ADAM12: variants seen among roughly 807,000 people sequenced by gnomAD.
ADAM12 encodes the protein disintegrin and metalloproteinase domain-containing protein 12.
Under a neutral mutation model 106.4 loss-of-function variants are expected in ADAM12, and 70 were observed. That is an observed-to-expected ratio of 0.66 (90% CI 0.54 to 0.80). The LOEUF is 0.80. Among genes scored for constraint, ADAM12 ranks in the 30% least tolerant of loss-of-function variants. The pLI is 0.00. For synonymous variants in ADAM12, 420 were observed against 433.5 expected (o/e 0.97, Z 0.39); for missense variants, 1,010 against 1,171.9 (o/e 0.86, Z 2.02).
rs757336646 is a variant in ADAM12, at chr10:126,064,829, T to A, written c.1586A>T (p.Gln529Leu). Residue 529 changes from glutamine (Q) to leucine (L), a missense_variant, in exon 14 of 23, where the codon CAG becomes CTG. By Grantham distance (113) the Gln-to-Leu change is moderately radical (BLOSUM62 -2). Coordinates refer to ENST00000448723, the MANE Select transcript of ADAM12 (RefSeq NM_001288973.2). This position sits in a 1 kb window ranked among gnomAD's most constrained non-coding sequence, Gnocchi z 4.4. ...YNGICQTHEQ[Q>L]CVTLWGPGAK... The stretch of plus-strand genomic sequence containing the variant: ...ACCTGGTCCCCAGAGCGTGACACAC[T>A]GCTGCTCGTGAGTCTGGCAGATGCC... 2.5e-6 allele frequency: 4 copies of A among 1,609,526 alleles called. No homozygotes were observed. Among genetic ancestry groups the A allele is most frequent in the Non-Finnish European group, 3.4e-6 (4 of 1,178,110 alleles).
At chr10:126,310,545 C>T (rs1326068243) in intron 2 of ADAM12, among the ~76,000 whole-genome samples, 1 of 152,136 alleles carries the variant, frequency 6.6e-6, no homozygotes, top group African/African-American at 2.4e-5. Flanking sequence ...CACAGCAAAA[C>T]CCATGGTACA....
intron 3 of ADAM12, among the ~76,000 whole-genome samples, chr10:126,266,264 T>C (rs1423706934): frequency 6.6e-6 from 1 of 151,888 alleles, no homozygotes; most frequent in Non-Finnish European, 1.5e-5. Context: ...CTGGGGAGAA[T>C]GGAAATGGGG....
chr10:126,105,488 C>T (rs987543396), intron 8 of ADAM12, among the ~76,000 whole-genome samples: 1 of 152,184 alleles, frequency 6.6e-6, no homozygotes, highest in Non-Finnish European at 1.5e-5. Context: ...CCTGCGCTCC[C>T]AGCTCAGGCA....
rs1433465339 is a variant in ADAM12 at position 126,139,201 on chromosome 10, C to G, written c.340-3541G>C. ...TTTCATAATAAACCGCTTGCCTATT[C>G]ATGTACATGGCAGGCCTCTTCTTTT... is the stretch of plus-strand genomic sequence containing the variant. On this transcript the variant is annotated intron_variant, in intron 4 of 22. Transcript: ENST00000448723. Among the ~76,000 whole-genome samples the G allele has an allele frequency of 2.0e-5, 3 of 152,148 alleles. No homozygotes were observed. In the East Asian group the frequency reaches 5.8e-4, roughly 29 times the overall value.
intron 5 of ADAM12, among the ~76,000 whole-genome samples, chr10:126,132,536 T>A (rs1278326): frequency 0.47 from 42,552 of 91,086 alleles, 7,423 homozygotes; most frequent in Non-Finnish European, 0.56. Flanking sequence ...CCCCCCCCCC[T>A]CAACTAGTCC....
intron 2 of ADAM12, among the ~76,000 whole-genome samples, chr10:126,281,236 T>C (rs1033449403): frequency 6.6e-6 from 1 of 152,104 alleles, no homozygotes; most frequent in Non-Finnish European, 1.5e-5. Context: ...AAACACACCA[T>C]ATGTATGTAT....
intron 11 of ADAM12, among the ~76,000 whole-genome samples, chr10:126,072,010 T>C (rs1217051429): frequency 1.3e-5 from 2 of 152,224 alleles, no homozygotes; most frequent in Non-Finnish European, 2.9e-5. Flanking sequence ...GTAGGGACTG[T>C]AGCTTGTAAT....
At chr10:126,262,441 G>A (rs1959020672) in intron 3 of ADAM12, among the ~76,000 whole-genome samples, 4 of 152,120 alleles carry the variant, frequency 2.6e-5, no homozygotes, top group Admixed American at 2.6e-4. Flanking sequence ...CTGCAAATCT[G>A]CAAATCAGTC....
At chr10:126,352,217 T>TG (rs1439474478) in intron 1 of ADAM12, among the ~76,000 whole-genome samples, 1 of 152,244 alleles carries the variant, frequency 6.6e-6, no homozygotes, top group Admixed American at 6.5e-5. Flanking sequence ...ACTGGCTCTC[T>TG]GCCCTTTTTC....
At chr10:126,107,768 C>G (rs72841007) in intron 8 of ADAM12, among the ~76,000 whole-genome samples, 8 of 152,180 alleles carry the variant, frequency 5.3e-5, no homozygotes, top group East Asian at 1.9e-4. Flanking sequence ...ACCTCCCCCC[C>G]GCCCTGCCCC....
chr10:126,134,930 A>T (rs1222773070), intron 5 of ADAM12, among the ~76,000 whole-genome samples: 1 of 152,258 alleles, frequency 6.6e-6, no homozygotes, highest in African/African-American at 2.4e-5. Context: ...AAAAAGGCTG[A>T]AACAGCTGGA....
intron 1 of ADAM12, among the ~76,000 whole-genome samples, chr10:126,339,847 C>CTTTTTTTTT (rs146232567): frequency 1.3e-5 from 1 of 75,710 alleles, no homozygotes; most frequent in East Asian, 5.1e-4. Flanking sequence ...CATTCTAGGG[C>CTTTTTTTTT]TTTTTTTTTT....
At chr10:126,137,057 T>TATC (rs1956418318) in intron 4 of ADAM12, among the ~76,000 whole-genome samples, 1 of 152,228 alleles carries the variant, frequency 6.6e-6, no homozygotes, top group Admixed American at 6.5e-5. Flanking sequence ...TATTTTCTTC[T>TATC]ATCTTTATAG....
At chr10:126,108,347 C>T (rs1429055810) in intron 8 of ADAM12, among the ~76,000 whole-genome samples, 1 of 152,144 alleles carries the variant, frequency 6.6e-6, no homozygotes, top group Non-Finnish European at 1.5e-5. Context: ...TGGTATTCCA[C>T]CTGACCGGAA....
intron 3 of ADAM12, among the ~76,000 whole-genome samples, chr10:126,237,265 G>A (rs1487051665): frequency 6.6e-6 from 1 of 152,116 alleles, no homozygotes; most frequent in Non-Finnish European, 1.5e-5. Context: ...TTGTGTGTTT[G>A]TTGGCCTGGC....
intron 1 of ADAM12, among the ~76,000 whole-genome samples, chr10:126,363,267 CTG>C (rs1206091020): frequency 6.6e-5 from 10 of 152,108 alleles, no homozygotes; most frequent in African/African-American, 2.4e-4. Flanking sequence ...GTTCAAAAAT[CTG>C]TACAAGATTT....
At chr10:126,175,755 G>T (rs189211259) in intron 3 of ADAM12, among the ~76,000 whole-genome samples, 237 of 152,354 alleles carry the variant, frequency 1.6e-3, no homozygotes, top group African/African-American at 5.4e-3. Flanking sequence ...AAGAGCAGGG[G>T]CTTCCACTGC....
chr10:126,192,244 C>T (rs1957515876), intron 3 of ADAM12, among the ~76,000 whole-genome samples: 2 of 152,074 alleles, frequency 1.3e-5, no homozygotes, highest in South Asian at 4.1e-4. Flanking sequence ...TTTTTGTGGT[C>T]CTTATGAGAA....
chr10:126,309,473 T>C (rs1021257210), intron 2 of ADAM12, among the ~76,000 whole-genome samples: 19 of 152,218 alleles, frequency 1.2e-4, no homozygotes, highest in Non-Finnish European at 2.4e-4. Context: ...AAGCCGGCTT[T>C]AGTTTTCTGC....
Sources: gnomAD v4.1 joint callset for allele counts (sites outside exome capture counted in the v4.1 genomes callset) on GRCh38, gnomAD v4.1.1 for gene constraint, Gnocchi (gnomAD v3.1) non-coding constraint, MANE v1.5 for transcripts, NCBI Gene and HGNC (gene_info 2026-07-23, HGNC 2026-07-21) for gene names.